RPF2: variants seen among roughly 807,000 people sequenced by gnomAD.
RPF2 encodes the protein brix domain containing 1.
Under a neutral mutation model 38.9 loss-of-function variants are expected in RPF2, and 21 were observed. The ratio of observed to expected loss-of-function variants is 0.54; its 90% CI spans 0.38 to 0.78. RPF2 has a LOEUF of 0.78. RPF2 is among the 30% of genes least tolerant of loss of function. The pLI is 0.00. For synonymous variants in RPF2, 121 were observed against 126.2 expected, an observed-to-expected ratio of 0.96 and a Z score of 0.28; for missense variants, 314 against 358.1, an observed-to-expected ratio of 0.88 and a Z score of 0.99.
At chr6:110,996,787 A>G (rs904943318) in intron 4 of RPF2, among the ~76,000 whole-genome samples, 1 of 148,180 alleles carries the variant, frequency 6.7e-6, no homozygotes, top group South Asian at 2.1e-4. Context: ...AAAAACTGTT[A>G]GAGTTTTTTG....
chr6:111,022,614 G>A (rs1468623720), intron 8 of RPF2, among the ~76,000 whole-genome samples: 4 of 137,702 alleles, frequency 2.9e-5, no homozygotes, highest in Admixed American at 1.4e-4. Context: ...TCATTAGGAC[G>A]CTTGTGAATA....
intron 6 of RPF2, among the ~76,000 whole-genome samples, chr6:111,005,237 AC>A (rs2114324251): frequency 6.6e-6 from 1 of 152,122 alleles, no homozygotes; most frequent in African/African-American, 2.4e-5. Flanking sequence ...GCAACAGGTG[AC>A]CTCTGGTCCT....
At chr6:110,998,199 C>T (rs1398403466) in intron 5 of RPF2, among the ~76,000 whole-genome samples, 2 of 152,176 alleles carry the variant, frequency 1.3e-5, no homozygotes, top group Admixed American at 1.3e-4. Context: ...GCCAGCATGC[C>T]TAGCCTCCTA....
chr6:111,024,480 G>A (rs979818016), intron 9 of RPF2, among the ~76,000 whole-genome samples, 153 bp downstream of exon 9: 5 of 152,096 alleles, frequency 3.3e-5, no homozygotes, highest in Non-Finnish European at 4.4e-5. Context: ...TTGGGAGGCC[G>A]AAGTGGGTGG....
chr6:110,997,849 G>T (rs1440459808), intron 5 of RPF2, among the ~76,000 whole-genome samples: 1 of 151,796 alleles, frequency 6.6e-6, no homozygotes, highest in Non-Finnish European at 1.5e-5. Flanking sequence ...ATATGTGTTG[G>T]TATGCTTCAG....
chr6:111,012,200 C>T (rs1057125900), intron 7 of RPF2, among the ~76,000 whole-genome samples: 10 of 141,972 alleles, frequency 7.0e-5, no homozygotes, highest in African/African-American at 1.0e-4. Context: ...CAGGGTCTCA[C>T]TCTGTTGCCC....
intron 8 of RPF2, among the ~76,000 whole-genome samples, chr6:111,019,842 G>A (rs1583275854): frequency 6.6e-6 from 1 of 151,974 alleles, no homozygotes; most frequent in East Asian, 1.9e-4. Context: ...TCATCCCCAA[G>A]ATATCTCATT....
At chr6:110,994,602 T>G (rs773916586) in intron 4 of RPF2, among the ~76,000 whole-genome samples, 1 of 151,332 alleles carries the variant, frequency 6.6e-6, no homozygotes, top group African/African-American at 2.4e-5. Context: ...AAAAGAAGAG[T>G]TGGCTAAAAA....
At chr6:110,984,916 T>A in intron 1 of RPF2, 90 bp from the exon 2 acceptor site, 1 of 1,332,152 alleles carries the variant, frequency 7.5e-7, no homozygotes, top group Non-Finnish European at 1.0e-6. Context: ...GTGACAAATA[T>A]GTTTTTAAGA....
In RPF2 at chr6:110,982,149, G is replaced by A; in HGVS notation, c.23+20G>A. 1 of 1,614,012 alleles carries A rather than the reference G, an allele frequency of 6.2e-7. No homozygotes were observed. The highest frequency in any genetic ancestry group is 1.1e-5 in the South Asian group (1 of 91,074). ...AGTAGTGTAAGTGCGCTGGGTCTCA[G>A]CCCCGGGGAGCGTTGGGGTGAAAGG... On this transcript the variant is annotated intron_variant, in intron 1 of 9. Coordinates refer to ENST00000441448, the MANE Select transcript of RPF2 (RefSeq NM_032194.3).
chr6:111,001,117 G>A (rs555071117), intron 6 of RPF2, among the ~76,000 whole-genome samples: 1 of 152,294 alleles, frequency 6.6e-6, no homozygotes, highest in South Asian at 2.1e-4. Context: ...AGGTGGAACA[G>A]TGGTCTGAAA....
In RPF2 at chr6:111,026,819, A is replaced by T. The variant is rs59695416; in HGVS notation, c.*1237A>T. 41,947 of 152,152 alleles carry T rather than the reference A, an allele frequency of 0.28. 6,175 individuals carry two copies. The highest frequency in any genetic ancestry group is 0.4 in the African/African-American group (16,431 of 41,480). The allele number at this position is 152,152 out of a possible 1,614,324, so 9.4% of individuals were successfully genotyped here. A position where few individuals can be genotyped will look rare whatever the true frequency, so the allele number is the denominator to read the frequency against. The stretch of plus-strand genomic sequence containing the variant: ...GAATCTCCTTTATACAAGTGCCAGT[A>T]ATGTTGTAAAGGTACAGACATACGC... On this transcript the variant is annotated 3_prime_UTR_variant, in exon 10 of 10. Transcript: ENST00000441448.
At chr6:111,015,066 C>T (rs1232109852) in intron 7 of RPF2, among the ~76,000 whole-genome samples, 1 of 152,212 alleles carries the variant, frequency 6.6e-6, no homozygotes, top group Non-Finnish European at 1.5e-5. Context: ...GCATGAGCCA[C>T]TGTGCATGGC....
At chr6:110,999,608 A>T in intron 5 of RPF2, 103 bp from the exon 6 acceptor site, 1 of 700,404 alleles carries the variant, frequency 1.4e-6, no homozygotes, top group South Asian at 1.8e-5. Context: ...TAGGGAGAAA[A>T]AAGAGGCAGA....
At chr6:111,025,327 A>G in intron 9 of RPF2, 76 bp from the exon 10 acceptor site, 1 of 960,258 alleles carries the variant, frequency 1.0e-6, no homozygotes, top group Non-Finnish European at 1.6e-6. Context: ...CTACTAAGAT[A>G]GTTGTTACAG....
At chr6:110,983,064 AGT>A (rs1270962071) in intron 1 of RPF2, among the ~76,000 whole-genome samples, 1 of 152,196 alleles carries the variant, frequency 6.6e-6, no homozygotes, top group Non-Finnish European at 1.5e-5. Context: ...GGGAAACTTA[AGT>A]GTATGTATGG....
chr6:110,987,831 T>G (rs78497449), intron 2 of RPF2, among the ~76,000 whole-genome samples: 3,782 of 152,218 alleles, frequency 0.025, 136 homozygotes, highest in African/African-American at 0.088. Context: ...TTTGTTATTC[T>G]CTATGGTAGA....
chr6:111,009,048 C>T (rs554921452), intron 7 of RPF2, among the ~76,000 whole-genome samples: 14 of 149,642 alleles, frequency 9.4e-5, no homozygotes, highest in Non-Finnish European at 1.8e-4. Context: ...TACAGGTGCC[C>T]GTCACCATGC....
chr6:110,991,398 C>CTTT (rs35689923), intron 3 of RPF2, among the ~76,000 whole-genome samples: 5 of 135,522 alleles, frequency 3.7e-5, no homozygotes, highest in African/African-American at 8.1e-5. Context: ...GCGCCCCCTG[C>CTTT]TTTTTTTTTT....
Sources: allele counts gnomAD v4.1 joint callset (sites outside exome capture counted in the v4.1 genomes callset), GRCh38; gene constraint gnomAD v4.1.1; transcripts MANE v1.5; gene names NCBI Gene and HGNC (gene_info 2026-07-23, HGNC 2026-07-21).